ACSBG2: variants seen among roughly 807,000 people sequenced by gnomAD.
ACSBG2 encodes the protein acyl-CoA synthetase bubblegum family member 2.
Under a neutral mutation model 74.7 loss-of-function variants are expected in ACSBG2, and 62 were observed. The ratio of observed to expected loss-of-function variants is 0.83; its 90% CI spans 0.68 to 1.03. The LOEUF is 1.03. Among genes scored for constraint, ACSBG2 ranks in the 50% least tolerant of loss-of-function variants. The pLI is 0.00. For missense variants in ACSBG2, 730 were observed against 817.6 expected (o/e 0.89, Z 1.31); for synonymous variants, 309 against 294.1 (o/e 1.05, Z -0.52).
rs780212769 is a variant in ACSBG2 at position 6,147,614 on chromosome 19, A to G, written c.236A>G (p.Glu79Gly). Residue 79 changes from glutamate (E) to glycine (G), a missense_variant, in exon 3 of 15, where the codon GAA becomes GGA. Transcript: ENST00000588485. ...ALASKNGKKW[E>G]ILNFNQYYEA... ...GCATCCAAGAATGGCAAAAAGTGGG[A>G]AATTCTGAATTTCAACCAGTACTAT... The G allele has an allele frequency of 1.9e-6, 3 of 1,614,108 alleles. No individual in the cohort carries two copies. The highest frequency in any genetic ancestry group is 2.2e-5 in the South Asian group (2 of 91,092).
intron 10 of ACSBG2, among the ~76,000 whole-genome samples, chr19:6,185,123 C>T (rs1356584984): frequency 1.3e-5 from 2 of 151,770 alleles, no homozygotes; most frequent in Non-Finnish European, 2.9e-5. Flanking sequence ...ACGGGGTCTC[C>T]GTATGTTGCC....
In ACSBG2 at chr19:6,141,402, C is replaced by T. The variant is rs754317212; in HGVS notation, c.-31-111C>T. On this transcript the variant is annotated intron_variant, in intron 1 of 14. Transcript: ENST00000588485. ...CCTCCCAGGCCCAGGACAGGCATGA[C>T]CAATGGATCCTAGGATTCTAGGCAG... The T allele has an allele frequency of 1.1e-3, 739 of 647,890 alleles. 2 individuals carry two copies. The highest frequency in any genetic ancestry group is 1.7e-3 in the Non-Finnish European group (598 of 355,814). 40.1% of individuals were successfully genotyped at this position (647,890 alleles called of 1,614,324 possible).
intron 5 of ACSBG2, 63 bp downstream of exon 5, chr19:6,156,614 G>T (rs1417060203): frequency 6.9e-7 from 1 of 1,442,498 alleles, no homozygotes; most frequent in East Asian, 2.6e-5. Flanking sequence ...CTCTGGGCAG[G>T]TGTTCTTTTT....
At chr19:6,147,253 CG>C (rs1445770037) in intron 2 of ACSBG2, among the ~76,000 whole-genome samples, 192 bp from the exon 3 acceptor site, 2 of 152,118 alleles carry the variant, frequency 1.3e-5, no homozygotes, top group South Asian at 4.1e-4. Context: ...TAAAATTTGG[CG>C]GGGCGGGGAA....
chr19:6,176,439 G>C, intron 7 of ACSBG2: 3 of 1,406,162 alleles, frequency 2.1e-6, no homozygotes, highest in Non-Finnish European at 2.9e-6. Context: ...TGCCATCCAC[G>C]TGATCTGTAA....
intron 7 of ACSBG2, chr19:6,175,279 C>G (rs1222259070): frequency 6.6e-6 from 1 of 151,184 alleles, no homozygotes; most frequent in Non-Finnish European, 1.5e-5. Flanking sequence ...TCTATTTCCT[C>G]ATTCATTCAA....
In ACSBG2 at chr19:6,180,019, C is replaced by T. The variant is rs1436195715; in HGVS notation, c.906+2623C>T. ...ATTCCTTCTAGAGGCTCTTGGGGAC[C>T]TTTTCCAGCTTCTAGAGGCCACCTA... On this transcript the variant is annotated intron_variant, in intron 8 of 14. Coordinates refer to ENST00000588485, the MANE Select transcript of ACSBG2 (RefSeq NM_030924.5). The surrounding 1 kb of genome is among the most constrained non-coding windows in gnomAD (Gnocchi z 4.3). Among the ~76,000 whole-genome samples the T allele has an allele frequency of 2.6e-5, 4 of 152,050 alleles. No homozygotes were observed. Among genetic ancestry groups the T allele is most frequent in the Non-Finnish European group, 4.4e-5 (3 of 68,012 alleles).
At chr19:6,156,786 A>AT (rs113271517) in intron 5 of ACSBG2, among the ~76,000 whole-genome samples, 411 of 128,432 alleles carry the variant, frequency 3.2e-3, no homozygotes, top group East Asian at 7.2e-3. Flanking sequence ...CTCAGCCTCC[A>AT]TTTTTTTTTT....
intron 1 of ACSBG2, among the ~76,000 whole-genome samples, chr19:6,138,146 T>G (rs923692861): frequency 3.3e-5 from 5 of 152,160 alleles, no homozygotes; most frequent in African/African-American, 1.2e-4. Context: ...CATGCATGAA[T>G]CCTTTGGCAA....
chr19:6,149,034 G>A (rs969747901), intron 3 of ACSBG2, among the ~76,000 whole-genome samples: 3 of 152,068 alleles, frequency 2.0e-5, no homozygotes, highest in Admixed American at 6.5e-5. Flanking sequence ...TTGAACCCGG[G>A]AGGCAGAGGT....
chr19:6,158,165 C>A (rs2089486621), intron 5 of ACSBG2, among the ~76,000 whole-genome samples: 1 of 151,834 alleles, frequency 6.6e-6, no homozygotes, highest in Non-Finnish European at 1.5e-5. Flanking sequence ...ACGTCATTCT[C>A]CTGCCTCAGC....
chr19:6,166,129 T>C (rs1046371452), intron 7 of ACSBG2, 114 bp downstream of exon 7: 34 of 1,349,264 alleles, frequency 2.5e-5, no homozygotes, highest in Middle Eastern at 2.6e-4. Flanking sequence ...TCCTTCACCA[T>C]TGGGGGTTAG....
At chr19:6,150,435 A>T (rs188635130) in intron 3 of ACSBG2, among the ~76,000 whole-genome samples, 1 of 152,290 alleles carries the variant, frequency 6.6e-6, no homozygotes, top group Admixed American at 6.5e-5. Flanking sequence ...AGAGGGTGGA[A>T]GCAGCCCGTG....
At chr19:6,190,477 G>C in intron 13 of ACSBG2, 107 bp from the exon 14 acceptor site, 1 of 930,420 alleles carries the variant, frequency 1.1e-6, no homozygotes, top group Non-Finnish European at 1.7e-6. Context: ...GGCACAGCCA[G>C]CCACCCAGCC....
chr19:6,160,186 C>T (rs139646473), intron 5 of ACSBG2, among the ~76,000 whole-genome samples: 3,102 of 151,806 alleles, frequency 0.02, 115 homozygotes, highest in African/African-American at 0.07. Flanking sequence ...GTCAGGAGAT[C>T]GAGACCATCC....
chr19:6,178,742 T>C (rs2090159793), intron 8 of ACSBG2, among the ~76,000 whole-genome samples: 1 of 152,164 alleles, frequency 6.6e-6, no homozygotes, highest in Non-Finnish European at 1.5e-5. Flanking sequence ...TTGTCTTAGG[T>C]TGGGTACCCT....
intron 7 of ACSBG2, among the ~76,000 whole-genome samples, chr19:6,171,500 G>C (rs551767417): frequency 2.6e-5 from 4 of 152,098 alleles, no homozygotes; most frequent in African/African-American, 9.6e-5. Context: ...AAAATTATTG[G>C]CTGGCATTTA....
chr19:6,147,428 T>C lies in ACSBG2; in HGVS notation c.68-18T>C. The C allele has an allele frequency of 6.2e-7, 1 of 1,604,462 alleles. No homozygotes were observed. Among genetic ancestry groups the C allele is most frequent in the Non-Finnish European group, 8.5e-7 (1 of 1,171,246 alleles). On this transcript the variant is annotated intron_variant, in intron 2 of 14. Coordinates refer to ENST00000588485, the MANE Select transcript of ACSBG2 (RefSeq NM_030924.5). The stretch of plus-strand genomic sequence containing the variant: ...TAAATAAAAACATTTGCCACCCAAC[T>C]CTGGTGACTATTTGCAGTTACTCCC...
chr19:6,168,488 C>T (rs1404482130), intron 7 of ACSBG2, among the ~76,000 whole-genome samples: 1 of 152,204 alleles, frequency 6.6e-6, no homozygotes, highest in Non-Finnish European at 1.5e-5. Flanking sequence ...GGAACATCAG[C>T]TCCTTGAGGT....
Sources: gnomAD v4.1 joint callset for allele counts (sites outside exome capture counted in the v4.1 genomes callset) on GRCh38, gnomAD v4.1.1 for gene constraint, Gnocchi (gnomAD v3.1) non-coding constraint, MANE v1.5 for transcripts, NCBI Gene and HGNC (gene_info 2026-07-23, HGNC 2026-07-21) for gene names.